The following CEMIP2 variants were observed in gnomAD, a reference collection of about 807,000 sequenced individuals.
CEMIP2 encodes the protein cell surface hyaluronidase CEMIP2.
In CEMIP2, 79 loss-of-function variants were observed where a neutral mutation model predicts 146.9. The ratio of observed to expected loss-of-function variants is 0.54; its 90% CI spans 0.45 to 0.65. The LOEUF (loss-of-function observed/expected upper bound fraction) is 0.65. CEMIP2 is among the 30% of genes least tolerant of loss of function. The pLI, the probability that CEMIP2 is intolerant of heterozygous loss-of-function variation, is 0.00. For synonymous variants in CEMIP2, 601 were observed against 606.3 expected (o/e 0.99, Z 0.13); for missense variants, 1,596 against 1,696.2 (o/e 0.94, Z 1.04).
chr9:71,728,316 T>TATATATATATAC (rs1823508037), intron 10 of CEMIP2, among the ~76,000 whole-genome samples: 3 of 87,642 alleles, frequency 3.4e-5, no homozygotes, highest in African/African-American at 4.9e-5. Flanking sequence ...TATATATATA[T>TATATATATATAC]ACGTATATAT....
intron 1 of CEMIP2, among the ~76,000 whole-genome samples, chr9:71,754,796 G>A (rs1241764914): frequency 6.6e-6 from 1 of 151,762 alleles, no homozygotes; most frequent in East Asian, 1.9e-4. Flanking sequence ...AGTAAGCAAA[G>A]CAATTAGAAA....
chr9:71,755,652 C>T (rs1443737032), intron 1 of CEMIP2, among the ~76,000 whole-genome samples: 1 of 151,998 alleles, frequency 6.6e-6, no homozygotes. Flanking sequence ...CATCCATGAA[C>T]CCTTCTCAAG....
intron 12 of CEMIP2, among the ~76,000 whole-genome samples, chr9:71,718,389 G>T (rs1309814729): frequency 1.3e-5 from 2 of 152,086 alleles, no homozygotes; most frequent in African/African-American, 4.8e-5. Context: ...AGTATGTCAT[G>T]TGTGTTTACA....
chr9:71,686,693 A>G (rs1279579628), intron 22 of CEMIP2: 3 of 152,100 alleles, frequency 2.0e-5, no homozygotes, highest in Non-Finnish European at 2.9e-5. Flanking sequence ...GTGAGGCACA[A>G]GTGCAATTTC....
At chr9:71,759,318 A>G (rs79432105) in intron 1 of CEMIP2, among the ~76,000 whole-genome samples, 1 of 152,012 alleles carries the variant, frequency 6.6e-6, no homozygotes. Context: ...GAAAAAAAAA[A>G]TCTTGCCTGC....
rs1823570774 is a variant in CEMIP2 at position 71,730,089 on chromosome 9, T to C, written c.1938A>G (p.Lys646=). The C allele has an allele frequency of 8.1e-6, 13 of 1,613,978 alleles. No homozygotes were observed. Among genetic ancestry groups the C allele is most frequent in the Non-Finnish European group, 1.0e-5 (12 of 1,180,034 alleles). The stretch of plus-strand genomic sequence containing the variant: ...GCACAGGAATGTAATTTCCAAACAC[T>C]TTATCTCGCATGGTGGTACACATGG... The part of the protein sequence containing the change: ...NNSMCTTMRD[K]VFGNYIPVPA... The change falls in exon 9 of 24, where the codon AAA becomes AAG. Residue 646 remains lysine (K), a synonymous_variant. Transcript: ENST00000377044.
intron 18 of CEMIP2, among the ~76,000 whole-genome samples, chr9:71,702,577 T>C (rs1466501163): frequency 6.6e-6 from 1 of 152,142 alleles, no homozygotes; most frequent in African/African-American, 2.4e-5. Flanking sequence ...TTTCTTTATG[T>C]TTTTCTATAT....
intron 20 of CEMIP2, among the ~76,000 whole-genome samples, chr9:71,696,100 A>C (rs1187344722): frequency 2.0e-5 from 3 of 152,234 alleles, no homozygotes; most frequent in African/African-American, 7.2e-5. Context: ...AAAGATAAAG[A>C]ATGCTAAGTA....
At chr9:71,740,267 T>C in intron 4 of CEMIP2, 35 bp from the exon 5 acceptor site, 1 of 1,602,446 alleles carries the variant, frequency 6.2e-7, no homozygotes, top group Non-Finnish European at 8.5e-7. Context: ...TTTGATTACT[T>C]GTCATGGTAT....
chr9:71,726,508 T>G (rs1248009521), intron 10 of CEMIP2, among the ~76,000 whole-genome samples: 1 of 152,186 alleles, frequency 6.6e-6, no homozygotes, highest in Non-Finnish European at 1.5e-5. Context: ...CAGCACACAT[T>G]TATTTAGTGC....
chr9:71,723,370 G>T (rs62546999), intron 11 of CEMIP2, among the ~76,000 whole-genome samples: 1 of 149,954 alleles, frequency 6.7e-6, no homozygotes, highest in South Asian at 2.1e-4. Flanking sequence ...AAAAAAAAAG[G>T]AGGCAAATAA....
Position 71,684,010 on chromosome 9 carries a change from C to G in CEMIP2, c.*1187G>C, listed in dbSNP as rs1437298043. 1 of 152,216 alleles carries G rather than the reference C, an allele frequency of 6.6e-6. No individual in the cohort carries two copies. Among genetic ancestry groups the G allele is most frequent in the Non-Finnish European group, 1.5e-5 (1 of 68,046 alleles). 9.4% of individuals were successfully genotyped at this position (152,216 alleles called of 1,614,324 possible). On this transcript the variant is annotated 3_prime_UTR_variant, in exon 24 of 24. Transcript: ENST00000377044. ...CCTCTTGCCGCATGTGATTCACCAGCAGGAGACGCATGCACCCTGTGGAAA... is the reference window on the plus strand; with the variant it reads ...CCTCTTGCCGCATGTGATTCACCAGGAGGAGACGCATGCACCCTGTGGAAA...
chr9:71,730,940 A>C (rs1823598793), intron 7 of CEMIP2, 26 bp from the exon 8 acceptor site: 1 of 1,599,018 alleles, frequency 6.3e-7, no homozygotes, highest in African/African-American at 1.3e-5. Context: ...CTAAAATCAA[A>C]CTCATACTTT....
In CEMIP2 at chr9:71,746,308, T is replaced by C; in HGVS notation, c.365A>G (p.Asn122Ser). Residue 122 changes from asparagine (N) to serine (S), a missense_variant, in exon 3 of 24, where the codon AAT (asparagine) becomes AGT (serine). Physicochemically the swap from Asn to Ser is conservative, Grantham distance 46. Transcript: ENST00000377044. ...NCPDQNPRLR[N>S]WDPGQDSAKQ... ...TGCAGAATCTTGTCCTGGATCCCAA[T>C]TCCTGAGACGAGGATTTTGATCTGG... The C allele has an allele frequency of 1.9e-6, 3 of 1,613,906 alleles. No homozygotes were observed. The highest frequency in any genetic ancestry group is 2.5e-6 in the Non-Finnish European group (3 of 1,179,844).
chr9:71,731,289 C>T (rs1823609753), intron 7 of CEMIP2, among the ~76,000 whole-genome samples: 1 of 152,152 alleles, frequency 6.6e-6, no homozygotes, highest in Admixed American at 6.6e-5. Context: ...TAGATCCTCC[C>T]CAGTGTTTTA....
At chr9:71,767,850 A>T (rs1422644233) in intron 1 of CEMIP2, among the ~76,000 whole-genome samples, 2 of 152,148 alleles carry the variant, frequency 1.3e-5, no homozygotes, top group Admixed American at 1.3e-4. Context: ...AACCCAGGGG[A>T]ATTGTAAGGA....
At chr9:71,695,837 C>T (rs553280770) in intron 20 of CEMIP2, among the ~76,000 whole-genome samples, 1 of 152,090 alleles carries the variant, frequency 6.6e-6, no homozygotes, top group African/African-American at 2.4e-5. Flanking sequence ...AAAATTAGGC[C>T]GGGCATGGTG....
chr9:71,685,826 G>A lies in CEMIP2; in HGVS notation c.3872C>T (p.Thr1291Ile), dbSNP rs1563989484. The A allele has an allele frequency of 6.2e-7, 1 of 1,613,880 alleles. No individual in the cohort carries two copies. Among genetic ancestry groups the A allele is most frequent in the Non-Finnish European group, 8.5e-7 (1 of 1,179,870 alleles). The change falls in exon 23 of 24, where the codon ACA becomes ATA. Residue 1291 changes from threonine (T) to isoleucine (I), a missense_variant. Thr to Ile is a moderately conservative substitution (Grantham distance 89, BLOSUM62 -1). Coordinates refer to ENST00000377044, the MANE Select transcript of CEMIP2 (RefSeq NM_013390.3). ...GTTTAACTGCTTTATTTCTCCTCTTGTGCTCAACAGAACAATGGACCTGTA... is the reference window on the plus strand; with the variant it reads ...GTTTAACTGCTTTATTTCTCCTCTTATGCTCAACAGAACAATGGACCTGTA... ...IPPRSIVLLS[T>I]RGEIKQLNIS...
chr9:71,730,810 G>A lies in CEMIP2; in HGVS notation c.1668C>T (p.Asp556=), dbSNP rs200131462. Residue 556 remains aspartate, a synonymous_variant, in exon 8 of 24, where the codon GAC becomes GAT. Transcript: ENST00000377044. ...GTCTGTATCCTCCTTTATAATCCAC[G>A]TCACCACACAGGTGAAAATGAACAG... ...RYPVHFHLCG[D]VDYKGGYRHA... is the part of the protein sequence containing the mutation. 4.7e-5 allele frequency: 76 copies of A among 1,614,124 alleles called. No homozygotes were observed. The highest frequency in any genetic ancestry group is 1.5e-4 in the Admixed American group (9 of 60,008).
Sources: gnomAD v4.1 joint callset for allele counts (sites outside exome capture counted in the v4.1 genomes callset) on GRCh38, gnomAD v4.1.1 for gene constraint, MANE v1.5 for transcripts, NCBI Gene and HGNC (gene_info 2026-07-23, HGNC 2026-07-21) for gene names.